Variants in CERKL observed in about 807,000 individuals in gnomAD.
CERKL encodes the protein CERK like autophagy regulator, also known as ceramide kinase-like protein.
Under a neutral mutation model 63.4 loss-of-function variants are expected in CERKL, and 61 were observed. The ratio of observed to expected loss-of-function variants is 0.96; its 90% confidence interval spans 0.78 to 1.19. The LOEUF is 1.19. Ranked by LOEUF, CERKL falls within the 50% of genes most tolerant of loss-of-function variation. The pLI, the probability that CERKL is intolerant of heterozygous loss-of-function variation, is 0.00. For synonymous variants in CERKL, 250 were observed against 230.5 expected, an observed-to-expected ratio of 1.08 and a Z score of -0.77; for missense variants, 675 against 655.5, an observed-to-expected ratio of 1.03 and a Z score of -0.33.
chr2:181,636,162 G>A (rs2105495549), intron 1 of CERKL, among the ~76,000 whole-genome samples: 1 of 152,258 alleles, frequency 6.6e-6, no homozygotes, highest in Middle Eastern at 3.4e-3. Context: ...CACATTTGAT[G>A]CTAAGATTTG....
At chr2:181,552,973 T>G (rs1387689303) in intron 5 of CERKL, among the ~76,000 whole-genome samples, 2 of 152,184 alleles carry the variant, frequency 1.3e-5, no homozygotes, top group African/African-American at 4.8e-5. Flanking sequence ...GCACAGTGAC[T>G]TGGTGAGAAA....
At position 181,554,221 on chromosome 2, in the gene CERKL, T is replaced by C. The variant is rs549500778; in HGVS notation, c.820+4345A>G. Reference sequence around the variant, plus strand: ...AAGTGCAAGCACTTCTGCAGAACAATTAACTTAATTAACCAGATACCATGA... The same window carrying C: ...AAGTGCAAGCACTTCTGCAGAACAACTAACTTAATTAACCAGATACCATGA... On this transcript the variant is annotated intron_variant, in intron 5 of 12. Coordinates refer to ENST00000410087, the MANE Select transcript of CERKL (RefSeq NM_201548.5). Among the ~76,000 whole-genome samples the C allele has an allele frequency of 9.2e-4, 136 of 147,420 alleles. 1 individual carries two copies. The highest frequency in any genetic ancestry group is 7.0e-3 in the Admixed American group (104 of 14,768).
intron 1 of CERKL, among the ~76,000 whole-genome samples, chr2:181,625,853 C>G (rs1276184329): frequency 6.6e-6 from 1 of 152,132 alleles, no homozygotes; most frequent in Non-Finnish European, 1.5e-5. Context: ...AGAAACTTAC[C>G]CTGTGGTAAG....
intron 3 of CERKL, among the ~76,000 whole-genome samples, chr2:181,572,662 T>G (rs1490338133): frequency 2.0e-5 from 3 of 152,154 alleles, no homozygotes; most frequent in African/African-American, 7.2e-5. Flanking sequence ...AAGGTTAACT[T>G]CTTCACTATA....
intron 3 of CERKL, among the ~76,000 whole-genome samples, chr2:181,566,370 G>A (rs932993310): frequency 6.6e-6 from 1 of 152,120 alleles, no homozygotes; most frequent in Admixed American, 6.5e-5. Flanking sequence ...AATATCCCAC[G>A]CATAGTGGTT....
chr2:181,575,604 C>T (rs1416036255), intron 2 of CERKL, among the ~76,000 whole-genome samples: 1 of 152,082 alleles, frequency 6.6e-6, no homozygotes, highest in East Asian at 1.9e-4. Flanking sequence ...GCTGTTTTCA[C>T]CCCCTAAAAT....
intron 1 of CERKL, among the ~76,000 whole-genome samples, chr2:181,627,239 T>C (rs1328243353): frequency 6.6e-6 from 1 of 152,168 alleles, no homozygotes; most frequent in African/African-American, 2.4e-5. Context: ...CAAGTTCTTA[T>C]TTTCAATTTA....
At chr2:181,630,518 T>C (rs780921149) in intron 1 of CERKL, among the ~76,000 whole-genome samples, 63 of 152,254 alleles carry the variant, frequency 4.1e-4, no homozygotes, top group Middle Eastern at 3.4e-3. Flanking sequence ...GGTCATAGCA[T>C]AGGGTCCTAA....
At chr2:181,613,775 A>C (rs1329916723) in intron 1 of CERKL, among the ~76,000 whole-genome samples, 1 of 152,218 alleles carries the variant, frequency 6.6e-6, no homozygotes, top group East Asian at 1.9e-4. Flanking sequence ...TCTCACATAG[A>C]AAATCTGATC....
intron 1 of CERKL, among the ~76,000 whole-genome samples, chr2:181,629,461 A>G (rs1239371928): frequency 6.6e-6 from 1 of 152,204 alleles, no homozygotes; most frequent in Non-Finnish European, 1.5e-5. Context: ...TGCCCCCAGC[A>G]ACCTGGTAAT....
intron 1 of CERKL, among the ~76,000 whole-genome samples, chr2:181,656,324 T>C (rs1020482425): frequency 6.6e-6 from 1 of 152,234 alleles, no homozygotes; most frequent in African/African-American, 2.4e-5. Context: ...AGAACTCTTG[T>C]GTAGGCATAA....
At chr2:181,622,598 C>T (rs931060519) in intron 1 of CERKL, among the ~76,000 whole-genome samples, 2 of 152,164 alleles carry the variant, frequency 1.3e-5, no homozygotes, top group Admixed American at 6.5e-5. Flanking sequence ...AATAAAATCA[C>T]ATCCATTCTA....
intron 1 of CERKL, among the ~76,000 whole-genome samples, chr2:181,641,350 TATATAC>T (rs1559120224): frequency 1.1e-3 from 18 of 15,800 alleles, no homozygotes; most frequent in South Asian, 5.0e-3. Flanking sequence ...TATATACATA[TATATAC>T]ACATATTTTT....
intron 5 of CERKL, among the ~76,000 whole-genome samples, chr2:181,556,873 G>T (rs1484007908): frequency 6.6e-6 from 1 of 152,272 alleles, no homozygotes; most frequent in East Asian, 1.9e-4. Context: ...GTGTAAAAGT[G>T]TTCCTATTTC....
chr2:181,563,259 A>C (rs1488656092), intron 4 of CERKL, among the ~76,000 whole-genome samples: 2 of 152,144 alleles, frequency 1.3e-5, no homozygotes, highest in African/African-American at 4.8e-5. Flanking sequence ...ACTAGCTGTC[A>C]TAAGTGCTGA....
intron 1 of CERKL, among the ~76,000 whole-genome samples, chr2:181,650,394 C>G (rs1020139412): frequency 6.6e-6 from 1 of 151,972 alleles, no homozygotes; most frequent in South Asian, 2.1e-4. Context: ...TATTAAATGC[C>G]CATATCAAAA....
chr2:181,610,814 A>G (rs967302069), intron 1 of CERKL, among the ~76,000 whole-genome samples: 6 of 152,258 alleles, frequency 3.9e-5, no homozygotes, highest in Admixed American at 6.5e-5. Flanking sequence ...AATCAGAATT[A>G]TAATTATTTT....
At chr2:181,608,378 T>C (rs1685811067) in intron 1 of CERKL, among the ~76,000 whole-genome samples, 1 of 126,840 alleles carries the variant, frequency 7.9e-6, no homozygotes, top group South Asian at 2.5e-4. Context: ...TCTTTTTATG[T>C]AGTCAAACCT....
chr2:181,648,097 G>C (rs1213281189), intron 1 of CERKL, among the ~76,000 whole-genome samples: 4 of 152,082 alleles, frequency 2.6e-5, no homozygotes, highest in Non-Finnish European at 4.4e-5. Context: ...TTGAAGAAAG[G>C]CACAGAAAAC....
Sources: gnomAD v4.1 joint callset for allele counts (sites outside exome capture counted in the v4.1 genomes callset) on GRCh38, gnomAD v4.1.1 for gene constraint, MANE v1.5 for transcripts, NCBI Gene and HGNC (gene_info 2026-07-23, HGNC 2026-07-21) for gene names.